PIK3R6: variants seen among roughly 807,000 people sequenced by gnomAD.
The protein encoded by PIK3R6 is phosphoinositide 3-kinase regulatory subunit 6.
A neutral mutation model predicts 84.9 loss-of-function variants in PIK3R6; 91 were observed. The observed-to-expected ratio is 1.07, with a 90% CI of 0.90 to 1.28. The LOEUF is 1.28. Among genes scored for constraint, PIK3R6 ranks in the 50% most tolerant of loss-of-function variants. PIK3R6 has a pLI of 0.00. For synonymous variants in PIK3R6, 416 were observed against 411.4 expected, an observed-to-expected ratio of 1.01 and a Z score of -0.13; for missense variants, 996 against 985.1, an observed-to-expected ratio of 1.01 and a Z score of -0.15.
At chr17:8,852,915 A>G (rs2089012210) in intron 1 of PIK3R6, among the ~76,000 whole-genome samples, 1 of 152,212 alleles carries the variant, frequency 6.6e-6, no homozygotes, top group Admixed American at 6.5e-5. Context: ...CAAAATATTC[A>G]TACTTTTTTG....
At chr17:8,864,492 A>G (rs966455429) in intron 1 of PIK3R6, among the ~76,000 whole-genome samples, 6 of 150,038 alleles carry the variant, frequency 4.0e-5, no homozygotes, top group Admixed American at 6.6e-5. Context: ...TATAACTAAC[A>G]GATCCTTCTA....
Position 8,803,888 on chromosome 17 carries a change from C to A in PIK3R6, c.2108+153G>T. ...TGGATCCAAAGCATAGGGCAGTGGC[C>A]TCTGTCCATCCTCACCAAGGTTACC... On this transcript the variant is annotated intron_variant, in intron 19 of 19. Coordinates refer to ENST00000619866, the MANE Select transcript of PIK3R6 (RefSeq NM_001010855.4). This position sits in a 1 kb window ranked among gnomAD's most constrained non-coding sequence, Gnocchi z 5.0. 1 of 665,356 alleles carries A rather than the reference C, an allele frequency of 1.5e-6. No homozygotes were observed. Among genetic ancestry groups the A allele is most frequent in the South Asian group, 1.8e-5 (1 of 54,486 alleles). 41.2% of individuals were successfully genotyped at this position (665,356 alleles called of 1,614,324 possible).
In PIK3R6 at chr17:8,867,651, C is replaced by A; in HGVS notation, c.-214G>T. 1 of 477,852 alleles carries A rather than the reference C, an allele frequency of 2.1e-6. No individual in the cohort carries two copies. The highest frequency in any genetic ancestry group is 4.2e-6 in the Non-Finnish European group (1 of 236,106). 29.6% of individuals were successfully genotyped at this position (477,852 alleles called of 1,614,324 possible). The stretch of plus-strand genomic sequence containing the variant: ...GGGAGCCTCCACGGGTGTCTGTGGT[C>A]TTGACTGTGCTCTTCAGATCTGCAA... On this transcript the variant is annotated 5_prime_UTR_variant, in exon 1 of 20. Transcript: ENST00000619866.
intron 9 of PIK3R6, 68 bp downstream of exon 9, chr17:8,832,821 C>A: frequency 6.2e-7 from 1 of 1,603,942 alleles, no homozygotes; most frequent in Non-Finnish European, 8.5e-7. Context: ...CTCTCTGGCG[C>A]CCCCTGCTGT....
intron 18 of PIK3R6, among the ~76,000 whole-genome samples, chr17:8,812,329 T>C (rs1313399870): frequency 6.6e-6 from 1 of 152,216 alleles, no homozygotes; most frequent in African/African-American, 2.4e-5. Context: ...ACTCCATTGA[T>C]GCACTAGACA....
intron 2 of PIK3R6, among the ~76,000 whole-genome samples, chr17:8,849,394 C>T (rs182514272): frequency 2.0e-5 from 3 of 152,282 alleles, no homozygotes; most frequent in Admixed American, 6.5e-5. Context: ...TCCTGTAAAA[C>T]GAGAGTAATA....
At position 8,822,117 on chromosome 17, in the gene PIK3R6, T is replaced by A. The variant is rs557058073; in HGVS notation, c.1789-181A>T. ...GTTGCCCAGGCTGGTCTTGAACTCC[T>A]GGGCTCAAGTGATCCTCCTGCCTCA... On this transcript the variant is annotated intron_variant, in intron 16 of 19. Transcript: ENST00000619866. Among the ~76,000 whole-genome samples, 8 of 150,348 alleles carry A rather than the reference T, an allele frequency of 5.3e-5. No individual in the cohort carries two copies. The East Asian group carries it at 1.2e-3, about 22-fold the overall frequency.
chr17:8,835,577 G>A, intron 7 of PIK3R6, 121 bp from the exon 8 acceptor site: 2 of 868,722 alleles, frequency 2.3e-6, no homozygotes. Flanking sequence ...CTAAAAAGAG[G>A]AGTCTCAGAT....
At chr17:8,836,696 GC>G (rs1228315058) in intron 6 of PIK3R6, 80 bp from the exon 7 acceptor site, 7 of 1,612,052 alleles carry the variant, frequency 4.3e-6, no homozygotes, top group Non-Finnish European at 8.5e-7. Flanking sequence ...AGGTGTGGAG[GC>G]TTTTGAGCTC....
At chr17:8,838,803 G>A in intron 3 of PIK3R6, 148 bp from the exon 4 acceptor site, 1 of 684,610 alleles carries the variant, frequency 1.5e-6, no homozygotes, top group Non-Finnish European at 2.4e-6. Context: ...GGCTCCAGGT[G>A]CACCTGGGTG....
Position 8,839,810 on chromosome 17 carries a change from C to A in PIK3R6, c.14-113G>T. Reference sequence around the variant, plus strand: ...ATTTCTCTGAGCCTCAGGAGGTGCCCGAAGTAATCGACTTAGAGCTGGCAG... The same window carrying A: ...ATTTCTCTGAGCCTCAGGAGGTGCCAGAAGTAATCGACTTAGAGCTGGCAG... On this transcript the variant is annotated intron_variant, in intron 2 of 19. Transcript: ENST00000619866. The surrounding 1 kb of genome is among the most constrained non-coding windows in gnomAD (Gnocchi z 4.2). 1.2e-6 allele frequency: 1 copy of A among 825,992 alleles called. No individual in the cohort carries two copies. Among genetic ancestry groups the A allele is most frequent in the Non-Finnish European group, 1.9e-6 (1 of 539,684 alleles). The allele number at this position is 825,992 out of a possible 1,614,324, so 51.2% of individuals were successfully genotyped here.
At chr17:8,835,570 A>G in intron 7 of PIK3R6, 114 bp from the exon 8 acceptor site, 1 of 907,692 alleles carries the variant, frequency 1.1e-6, no homozygotes, top group Non-Finnish European at 1.6e-6. Flanking sequence ...AATTCTGCTA[A>G]AAAGAGGAGT....
chr17:8,856,771 A>C (rs938896458), intron 1 of PIK3R6, among the ~76,000 whole-genome samples: 18 of 152,114 alleles, frequency 1.2e-4, no homozygotes, highest in Admixed American at 6.5e-4. Flanking sequence ...GTCACAGGTA[A>C]TTTTTAATAC....
chr17:8,836,627 G>T lies in PIK3R6; in HGVS notation c.392-11C>A. The T allele has an allele frequency of 6.2e-7, 1 of 1,613,918 alleles. No individual in the cohort carries two copies. The highest frequency in any genetic ancestry group is 1.1e-5 in the South Asian group (1 of 91,046). ...TTTGGTACAGTGTCCCTGCAAACCA[G>T]ACCACTTTGGCCAAACAGCCCCCAA... On this transcript the variant is annotated splice_polypyrimidine_tract_variant and intron_variant, in intron 6 of 19. Transcript: ENST00000619866.
intron 13 of PIK3R6, 78 bp from the exon 14 acceptor site, chr17:8,823,575 CT>C (rs2087816780): frequency 1.0e-6 from 1 of 967,434 alleles, no homozygotes; most frequent in South Asian, 1.4e-5. Context: ...CAGAGAGAAA[CT>C]TCAAGCCCCT....
At position 8,836,846 on chromosome 17, in the gene PIK3R6, G is replaced by A. The variant is rs750406114; in HGVS notation, c.336C>T (p.Tyr112=). ...TCGCGCAGTCCAAGGCGACTGTGCA[G>A]TAGGGGGTGGGCAGGGTCAGTAACC... ...CTRLLTLPTP[Y]CTVALDCAIR... is the part of the protein sequence containing the mutation. Residue 112 remains tyrosine (Y), a synonymous_variant, in exon 6 of 20, where the codon TAC becomes TAT. Transcript: ENST00000619866. 11 of 1,590,084 alleles carry A rather than the reference G, an allele frequency of 6.9e-6. No individual in the cohort carries two copies. The highest frequency in any genetic ancestry group is 8.6e-6 in the Non-Finnish European group (10 of 1,167,972).
At chr17:8,819,685 TATATAC>T (rs1404934771) in intron 17 of PIK3R6, among the ~76,000 whole-genome samples, 3 of 139,450 alleles carry the variant, frequency 2.2e-5, no homozygotes, top group Non-Finnish European at 3.1e-5. Context: ...TATATATATA[TATATAC>T]ACACACACAC....
intron 1 of PIK3R6, among the ~76,000 whole-genome samples, chr17:8,855,253 A>G (rs934302325): frequency 6.6e-6 from 1 of 151,996 alleles, no homozygotes; most frequent in Non-Finnish European, 1.5e-5. Flanking sequence ...ATAAAATAAT[A>G]AAATAAAATG....
In PIK3R6 at chr17:8,844,394, G is replaced by A. The variant is rs568372768; in HGVS notation, c.14-4697C>T. ...TCATCCTAACCTTGGAATATGAGAG[G>A]TTGAAGCTGGTTTTGATTTGATTAA... is the stretch of plus-strand genomic sequence containing the variant. On this transcript the variant is annotated intron_variant, in intron 2 of 19. Coordinates refer to ENST00000619866, the MANE Select transcript of PIK3R6 (RefSeq NM_001010855.4). This position sits in a 1 kb window ranked among gnomAD's most constrained non-coding sequence, Gnocchi z 4.5. Among the ~76,000 whole-genome samples the A allele has an allele frequency of 2.0e-5, 3 of 152,320 alleles. No homozygotes were observed. The South Asian group carries it at 6.2e-4, about 32-fold the overall frequency.
Sources: gnomAD v4.1 joint callset for allele counts (sites outside exome capture counted in the v4.1 genomes callset) on GRCh38, gnomAD v4.1.1 for gene constraint, Gnocchi (gnomAD v3.1) non-coding constraint, MANE v1.5 for transcripts, NCBI Gene and HGNC (gene_info 2026-07-23, HGNC 2026-07-21) for gene names.